Variants in TENM2 observed in about 807,000 individuals in gnomAD.
TENM2 encodes the protein teneurin transmembrane protein 2, also known as teneurin-2.
A neutral mutation model predicts 245.2 loss-of-function variants in TENM2; 52 were observed. That is an observed-to-expected ratio of 0.21 (90% CI 0.17 to 0.27). TENM2 has a LOEUF of 0.27. TENM2 is among the 10% of genes least tolerant of loss of function. The pLI is 1.00. For missense variants in TENM2, 3,046 were observed against 3,666.8 expected, an observed-to-expected ratio of 0.83 and a Z score of 4.37; for synonymous variants, 1,363 against 1,438.9, an observed-to-expected ratio of 0.95 and a Z score of 1.19.
chr5:168,122,028 A>G (rs899111798), intron 10 of TENM2, among the ~76,000 whole-genome samples: 2 of 152,208 alleles, frequency 1.3e-5, no homozygotes, highest in African/African-American at 4.8e-5. Context: ...TCCTTTCTCT[A>G]CACAGGAAGT....
intron 2 of TENM2, among the ~76,000 whole-genome samples, chr5:167,797,901 C>T (rs1166210932): frequency 1.3e-5 from 2 of 152,184 alleles, no homozygotes; most frequent in African/African-American, 2.4e-5. Flanking sequence ...GGATCTAACA[C>T]AATGTGTTTA....
At position 167,801,109 on chromosome 5, in the gene TENM2, A is replaced by T. The variant is rs10035555; in HGVS notation, c.503-74877A>T. Among the ~76,000 whole-genome samples the T allele has an allele frequency of 2.9e-3, 195 of 66,418 alleles. 1 individual carries two copies. The highest frequency in any genetic ancestry group is 4.9e-3 in the African/African-American group (77 of 15,854). 43.6% of individuals were successfully genotyped at this position (66,418 alleles called of 152,430 possible). A position where few individuals can be genotyped will look rare whatever the true frequency, so the allele number is the denominator to read the frequency against. On this transcript the variant is annotated intron_variant, in intron 2 of 28. Transcript: ENST00000518659. ...GTATTTGAAAAGAAAAAAAAAAAAA[A>T]ATATATATATATATATATATATATA... is the stretch of plus-strand genomic sequence containing the variant.
At chr5:167,792,765 C>T (rs1018446269) in intron 2 of TENM2, among the ~76,000 whole-genome samples, 1 of 151,630 alleles carries the variant, frequency 6.6e-6, no homozygotes, top group Non-Finnish European at 1.5e-5. Flanking sequence ...CATTTTTACC[C>T]CAGGAGGTAC....
intron 2 of TENM2, among the ~76,000 whole-genome samples, chr5:167,548,234 G>A (rs1772691742): frequency 1.3e-5 from 2 of 152,214 alleles, no homozygotes; most frequent in Admixed American, 1.3e-4. Context: ...ATTTCAGAGA[G>A]TGAGAAAGGA....
chr5:167,508,733 A>T (rs1769723442), intron 2 of TENM2, among the ~76,000 whole-genome samples: 1 of 152,194 alleles, frequency 6.6e-6, no homozygotes, highest in South Asian at 2.1e-4. Context: ...TGTCTGTTTT[A>T]CAGAATAGTG....
the TENM2 span, among the ~76,000 whole-genome samples, chr5:166,998,313 A>G: frequency 6.6e-6 from 1 of 152,160 alleles, no homozygotes. Flanking sequence ...GAGATTTTCC[A>G]TTTTATTTTC....
At chr5:167,775,407 T>C (rs1308361530) in intron 2 of TENM2, among the ~76,000 whole-genome samples, 1 of 152,194 alleles carries the variant, frequency 6.6e-6, no homozygotes, top group East Asian at 1.9e-4. Flanking sequence ...TTTGTACAGA[T>C]AAATAAGTCT....
intron 2 of TENM2, among the ~76,000 whole-genome samples, chr5:167,449,521 TAGATAGATAGATA>T (rs1262277293): frequency 9.3e-4 from 69 of 74,036 alleles, no homozygotes; most frequent in Admixed American, 2.3e-3. Flanking sequence ...GATAGATAGA[TAGATAGATAGATA>T]GATAGATAGA....
At chr5:167,071,293 A>G in the TENM2 span, among the ~76,000 whole-genome samples, 1 of 152,172 alleles carries the variant, frequency 6.6e-6, no homozygotes, top group Non-Finnish European at 1.5e-5. Flanking sequence ...AGTTTAAAGG[A>G]TCAGAACTGC....
intron 5 of TENM2, among the ~76,000 whole-genome samples, chr5:168,022,858 C>CG (rs1297996501): frequency 1.3e-5 from 2 of 152,250 alleles, no homozygotes; most frequent in Admixed American, 6.5e-5. Flanking sequence ...CAGGGGCAGC[C>CG]GTGTCTCTCA....
chr5:167,338,463 G>T (rs1207101146), intron 1 of TENM2, among the ~76,000 whole-genome samples: 1 of 152,178 alleles, frequency 6.6e-6, no homozygotes, highest in East Asian at 1.9e-4. Flanking sequence ...ACTACAAGTT[G>T]CAGAAGCAAT....
intron 7 of TENM2, among the ~76,000 whole-genome samples, chr5:168,084,030 G>A (rs1471554320): frequency 6.6e-6 from 1 of 152,130 alleles, no homozygotes; most frequent in Non-Finnish European, 1.5e-5. Context: ...TTGGTCTTCT[G>A]TTCCTATATT....
chr5:167,866,889 A>G (rs577170274), intron 2 of TENM2, among the ~76,000 whole-genome samples: 1 of 152,220 alleles, frequency 6.6e-6, no homozygotes, highest in Non-Finnish European at 1.5e-5. Flanking sequence ...ACAATTAAAA[A>G]TTCAGTTTTT....
chr5:167,193,112 C>T, the TENM2 span, among the ~76,000 whole-genome samples: 33 of 151,942 alleles, frequency 2.2e-4, no homozygotes, highest in East Asian at 5.8e-4. Context: ...AGGGAGGGAG[C>T]GAGGAAGAAG....
Position 167,288,575 on chromosome 5 carries a change from G to A in TENM2, c.226+3512G>A, listed in dbSNP as rs13340384. ...CTCCGTCTCAAAAAAAAAAAAAAAA[G>A]AAAAAGAAAAGAATAATGGCGAACA... On this transcript the variant is annotated intron_variant, in intron 1 of 28. Coordinates refer to ENST00000518659, the Ensembl canonical transcript of TENM2. 1.6e-4 allele frequency among the ~76,000 whole-genome samples: 23 copies of A among 144,050 alleles called. No homozygotes were observed. The South Asian group carries it at 3.5e-3, about 22-fold the overall frequency. The allele number at this position is 144,050 out of a possible 152,430, so 94.5% of individuals were successfully genotyped here. A position where few individuals can be genotyped will look rare whatever the true frequency, so the allele number is the denominator to read the frequency against.
At chr5:167,879,613 A>G (rs1773708911) in intron 3 of TENM2, among the ~76,000 whole-genome samples, 1 of 152,248 alleles carries the variant, frequency 6.6e-6, no homozygotes, top group African/African-American at 2.4e-5. Flanking sequence ...CAGAAAATAT[A>G]CAGGCAACCA....
chr5:167,797,804 G>A (rs1412562517), intron 2 of TENM2, among the ~76,000 whole-genome samples: 1 of 152,124 alleles, frequency 6.6e-6, no homozygotes, highest in East Asian at 1.9e-4. Flanking sequence ...TGAGTACTCT[G>A]TCAGAAAAGG....
chr5:167,616,941 CT>C (rs1013736819), intron 2 of TENM2, among the ~76,000 whole-genome samples: 30 of 152,084 alleles, frequency 2.0e-4, no homozygotes, highest in African/African-American at 7.2e-4. Flanking sequence ...TGATGATTAT[CT>C]GGTTTTGCAT....
intron 2 of TENM2, among the ~76,000 whole-genome samples, chr5:167,515,631 A>ACATATATACG (rs1554168363): frequency 3.0e-4 from 19 of 62,828 alleles, no homozygotes; most frequent in East Asian, 2.8e-3. Flanking sequence ...ATATATATAC[A>ACATATATACG]TATATATGTA....
Sources: gnomAD v4.1 joint callset for allele counts (sites outside exome capture counted in the v4.1 genomes callset) on GRCh38, gnomAD v4.1.1 for gene constraint, MANE v1.5 for transcripts, NCBI Gene and HGNC (gene_info 2026-07-23, HGNC 2026-07-21) for gene names.